The following LEF1 variants were observed in gnomAD, a reference collection of about 807,000 sequenced individuals.
The protein encoded by LEF1 is lymphoid enhancer-binding factor 1.
In LEF1, 14 loss-of-function variants were observed where a neutral mutation model predicts 51.2. The observed-to-expected ratio is 0.27, with a 90% CI of 0.18 to 0.43. The LOEUF (loss-of-function observed/expected upper bound fraction) is 0.43, where lower values mean the gene tolerates loss of function less well. Among genes scored for constraint, LEF1 ranks in the 20% least tolerant of loss-of-function variants. The probability of loss-of-function intolerance (pLI) is 1.00; values close to 1 mark genes in which losing one functional copy is unlikely to be tolerated. For synonymous variants in LEF1, 185 were observed against 183.2 expected (o/e 1.01, Z -0.08); for missense variants, 386 against 512.0 (o/e 0.75, Z 2.37).
intron 2 of LEF1, among the ~76,000 whole-genome samples, chr4:108,164,073 A>G (rs1745238155): frequency 6.6e-6 from 1 of 152,210 alleles, no homozygotes; most frequent in South Asian, 2.1e-4. Flanking sequence ...CCATCTAGCT[A>G]CACACAAACA....
intron 3 of LEF1, among the ~76,000 whole-genome samples, chr4:108,094,472 C>T (rs1740251072): frequency 6.6e-6 from 1 of 152,214 alleles, no homozygotes; most frequent in Non-Finnish European, 1.5e-5. Context: ...AAATGACCCA[C>T]TCACCACTGG....
intron 6 of LEF1, among the ~76,000 whole-genome samples, chr4:108,080,928 G>A (rs1249299694): frequency 6.6e-6 from 1 of 151,964 alleles, no homozygotes; most frequent in African/African-American, 2.4e-5. Flanking sequence ...ATCAAGCACA[G>A]GGCACAGTGC....
At chr4:108,128,476 T>C (rs989411132) in intron 3 of LEF1, among the ~76,000 whole-genome samples, 2 of 150,724 alleles carry the variant, frequency 1.3e-5, no homozygotes, top group African/African-American at 4.9e-5. Flanking sequence ...GGGATTAAAA[T>C]TCTCAAGGGA....
At chr4:108,055,240 T>A (rs1578284241) in intron 11 of LEF1, among the ~76,000 whole-genome samples, 1 of 152,178 alleles carries the variant, frequency 6.6e-6, no homozygotes, top group Non-Finnish European at 1.5e-5. Flanking sequence ...CAGGGTATAG[T>A]CCCAAACAGC....
intron 3 of LEF1, among the ~76,000 whole-genome samples, chr4:108,099,876 G>A (rs1269010873): frequency 6.6e-6 from 1 of 151,754 alleles, no homozygotes; most frequent in Non-Finnish European, 1.5e-5. Context: ...TGTGTGTCTT[G>A]AAGCAGTTAT....
chr4:108,150,248 T>C (rs1029250576), intron 3 of LEF1, among the ~76,000 whole-genome samples: 2 of 152,220 alleles, frequency 1.3e-5, no homozygotes, highest in African/African-American at 4.8e-5. Context: ...GCTCAGTTCT[T>C]ATGTAATAAG....
chr4:108,127,331 C>A (rs1742609877), intron 3 of LEF1, among the ~76,000 whole-genome samples: 1 of 152,166 alleles, frequency 6.6e-6, no homozygotes, highest in African/African-American at 2.4e-5. Context: ...AAAATATCTA[C>A]AAATTACTTA....
intron 3 of LEF1, among the ~76,000 whole-genome samples, chr4:108,150,800 T>G (rs79268062): frequency 0.042 from 6,442 of 152,314 alleles, 165 homozygotes; most frequent in Non-Finnish European, 0.062. Context: ...CACTTCATAC[T>G]GTTTAGTAAA....
At chr4:108,054,568 G>T (rs887922763) in intron 11 of LEF1, among the ~76,000 whole-genome samples, 2 of 152,196 alleles carry the variant, frequency 1.3e-5, no homozygotes, top group Non-Finnish European at 2.9e-5. Context: ...TGTGGCAGGT[G>T]GTCCATACAG....
chr4:108,095,906 G>A (rs978757369), intron 3 of LEF1, among the ~76,000 whole-genome samples: 43 of 152,164 alleles, frequency 2.8e-4, no homozygotes, highest in African/African-American at 9.6e-4. Context: ...AAAGATCAGG[G>A]TAAAGGAAAA....
intron 1 of LEF1, chr4:108,166,456 G>A: frequency 7.2e-7 from 1 of 1,396,138 alleles, no homozygotes; most frequent in Non-Finnish European, 9.3e-7. Flanking sequence ...AATCATTCGG[G>A]TGTCAGGACT....
intron 3 of LEF1, among the ~76,000 whole-genome samples, chr4:108,117,314 G>A (rs2110327116): frequency 6.6e-6 from 1 of 152,088 alleles, no homozygotes; most frequent in South Asian, 2.1e-4. Context: ...ATTTTACCGT[G>A]ATTAAATATT....
At chr4:108,131,233 G>C (rs1742869378) in intron 3 of LEF1, among the ~76,000 whole-genome samples, 1 of 151,960 alleles carries the variant, frequency 6.6e-6, no homozygotes, top group Admixed American at 6.5e-5. Context: ...CCAGGAGTTT[G>C]AGACCAGCCT....
chr4:108,151,719 TG>T (rs1744369065), intron 3 of LEF1, among the ~76,000 whole-genome samples: 2 of 152,228 alleles, frequency 1.3e-5, no homozygotes, highest in Non-Finnish European at 1.5e-5. Flanking sequence ...GAACAGTTCC[TG>T]GCATGTGCTA....
chr4:108,132,659 CTTTTTTTTT>C lies in LEF1; in HGVS notation c.414+30900_414+30908del, dbSNP rs749911957. ...ATATGGGATGAGAGCGAAAATCTGC[CTTTTTTTTT>C]TTTTTTTTTTTTTTTTTGAGGCAGG... is the stretch of plus-strand genomic sequence containing the variant. On this transcript the variant is annotated intron_variant, in intron 3 of 11. Transcript: ENST00000265165. Among the ~76,000 whole-genome samples, 15 of 47,438 alleles carry C rather than the reference CTTTTTTTTT, an allele frequency of 3.2e-4. 1 individual carries two copies. The highest frequency in any genetic ancestry group is 8.9e-4 in the Admixed American group (2 of 2,254). 31.1% of individuals were successfully genotyped at this position (47,438 alleles called of 152,430 possible). A position where few individuals can be genotyped will look rare whatever the true frequency, so the allele number is the denominator to read the frequency against.
At chr4:108,089,048 G>A in intron 4 of LEF1, 77 bp downstream of exon 4, 1 of 1,542,252 alleles carries the variant, frequency 6.5e-7, no homozygotes, top group Non-Finnish European at 9.0e-7. Context: ...ACTGGCATCT[G>A]GAAGGTCACT....
At chr4:108,131,026 T>C (rs945071560) in intron 3 of LEF1, among the ~76,000 whole-genome samples, 1 of 152,134 alleles carries the variant, frequency 6.6e-6, no homozygotes, top group Non-Finnish European at 1.5e-5. Context: ...TATCTTTTTT[T>C]TTAGGAGTCT....
chr4:108,145,736 C>T (rs1314392795), intron 3 of LEF1, among the ~76,000 whole-genome samples: 2 of 152,350 alleles, frequency 1.3e-5, no homozygotes, highest in East Asian at 1.9e-4. Flanking sequence ...CAAAGGACTA[C>T]ACCCTATATG....
chr4:108,089,282 A>G (rs1396115643), intron 3 of LEF1, 25 bp from the exon 4 acceptor site: 2 of 1,603,654 alleles, frequency 1.2e-6, no homozygotes, highest in African/African-American at 2.7e-5. Context: ...CAAGGTCAAT[A>G]GTTAATATGG....
Sources: allele counts gnomAD v4.1 joint callset (sites outside exome capture counted in the v4.1 genomes callset), GRCh38; gene constraint gnomAD v4.1.1; transcripts MANE v1.5; gene names NCBI Gene and HGNC (gene_info 2026-07-23, HGNC 2026-07-21).